Variants in NUP188 observed in about 807,000 individuals in gnomAD.
NUP188 encodes nucleoporin NUP188.
NUP188 carries 97 observed loss-of-function variants against 223.0 expected under a neutral mutation model. The ratio of observed to expected loss-of-function variants is 0.43; its 90% confidence interval spans 0.37 to 0.51. The LOEUF is 0.51. Among genes scored for constraint, NUP188 ranks in the 20% least tolerant of loss-of-function variants. The pLI, the probability that NUP188 is intolerant of heterozygous loss-of-function variation, is 0.00. For missense variants in NUP188, 1,947 were observed against 2,175.6 expected (o/e 0.89, Z 2.09); for synonymous variants, 869 against 828.0 (o/e 1.05, Z -0.85).
intron 12 of NUP188, among the ~76,000 whole-genome samples, chr9:128,974,904 G>T (rs1038039676): frequency 6.6e-6 from 1 of 151,814 alleles, no homozygotes; most frequent in African/African-American, 2.4e-5. Flanking sequence ...GACTACAGGC[G>T]TGTGCCACCA....
At chr9:128,995,542 CT>C in intron 30 of NUP188, 28 bp downstream of exon 30, 1 of 1,530,898 alleles carries the variant, frequency 6.5e-7, no homozygotes, top group Non-Finnish European at 8.8e-7. Flanking sequence ...AGAGTTTTCA[CT>C]TTGGTACCTT....
chr9:128,985,120 T>G lies in NUP188; in HGVS notation c.2076+106T>G, dbSNP rs992081549. The G allele has an allele frequency of 1.6e-5, 12 of 755,492 alleles. No homozygotes were observed. The Admixed American group carries it at 2.4e-4, about 15-fold the overall frequency. 46.8% of individuals were successfully genotyped at this position (755,492 alleles called of 1,614,324 possible). ...CCCCTGGTGCTGTAATCTTCTTGTCTGTAGGCAGAATAGTCATCTTGAAGT... is the reference window on the plus strand; with the variant it reads ...CCCCTGGTGCTGTAATCTTCTTGTCGGTAGGCAGAATAGTCATCTTGAAGT... On this transcript the variant is annotated intron_variant, in intron 20 of 43. Coordinates refer to ENST00000372577, the MANE Select transcript of NUP188 (RefSeq NM_015354.3).
rs780310519 is a variant in NUP188 at position 128,993,240 on chromosome 9, C to T, written c.2684C>T (p.Ala895Val). 1.2e-6 allele frequency: 2 copies of T among 1,614,196 alleles called. No individual in the cohort carries two copies. Among genetic ancestry groups the T allele is most frequent in the South Asian group, 2.2e-5 (2 of 91,088 alleles). ...TATGCTTGTCTGGGCAATGATGCGG[C>T]TGCCATTCGTGATGCCTTCCTGACC... Reference protein sequence around the residue: ...SVYACLGNDAAAIRDAFLTRL... With the variant: ...SVYACLGNDAVAIRDAFLTRL... Residue 895 changes from alanine to valine, a missense_variant, in exon 26 of 44, where the codon GCT becomes GTT. Ala to Val is a moderately conservative substitution (Grantham distance 64, BLOSUM62 0). Around this residue, in one of 3 missense-constraint regions of NUP188, gnomAD observed 225 missense variants for 319.1 expected, o/e 0.71. Coordinates refer to ENST00000372577, the MANE Select transcript of NUP188 (RefSeq NM_015354.3).
At chr9:128,992,690 C>T (rs1041749380) in intron 25 of NUP188, among the ~76,000 whole-genome samples, 1 of 152,010 alleles carries the variant, frequency 6.6e-6, no homozygotes, top group African/African-American at 2.4e-5. Flanking sequence ...GATTTATTTG[C>T]GCTACTTTCT....
intron 8 of NUP188, chr9:128,964,321 CT>C (rs764450550): frequency 1.1e-5 from 4 of 350,826 alleles, no homozygotes; most frequent in Admixed American, 3.7e-5. Flanking sequence ...TGTTTTACAA[CT>C]TTTTTCTTCC....
In NUP188 at chr9:128,999,729, G is replaced by A. The variant is rs142703305; in HGVS notation, c.3767G>A (p.Gly1256Asp). 212 of 1,614,076 alleles carry A rather than the reference G, an allele frequency of 1.3e-4. No individual in the cohort carries two copies. The highest frequency in any genetic ancestry group is 1.6e-4 in the Non-Finnish European group (184 of 1,180,044). Residue 1256 changes from glycine to aspartate, a missense_variant, in exon 34 of 44, where the codon GGC (glycine) becomes GAC (aspartate). Coordinates refer to ENST00000372577, the MANE Select transcript of NUP188 (RefSeq NM_015354.3). Reference sequence around the variant, plus strand: ...CAGACCCGCCACAGTCTGGCATTAGGCAGTGCCACAGAGGACAAGGACAGC... The same window carrying A: ...CAGACCCGCCACAGTCTGGCATTAGACAGTGCCACAGAGGACAAGGACAGC... ...FDQTRHSLAL[G>D]SATEDKDSME...
chr9:128,970,665 T>A, intron 10 of NUP188, 93 bp from the exon 11 acceptor site: 2 of 1,072,204 alleles, frequency 1.9e-6, no homozygotes, highest in East Asian at 4.9e-5. Context: ...GGCCACTCTT[T>A]ATGGCTTGCT....
intron 32 of NUP188, among the ~76,000 whole-genome samples, 177 bp from the exon 33 acceptor site, chr9:128,998,995 T>C (rs1228018641): frequency 6.6e-6 from 1 of 152,020 alleles, no homozygotes; most frequent in Non-Finnish European, 1.5e-5. Flanking sequence ...TAGCTGGGAT[T>C]ACGGGTGCGC....
rs796374513 is a variant in NUP188, at chr9:129,005,386, CTCA to C, written c.4594_4596del (p.Ser1532del). The C allele has an allele frequency of 3.7e-6, 6 of 1,613,070 alleles. No individual in the cohort carries two copies. The South Asian group carries it at 6.6e-5, about 18-fold the overall frequency. ...CTGCTGCTTCTGCTGCCCCCTCCTC[CTCA>C]AAGCAGCCCGCTGCTGACACAGAGG... On this transcript the variant is annotated inframe_deletion, in exon 40 of 44. Transcript: ENST00000372577.
In NUP188 at chr9:129,006,074, AC is replaced by A. The variant is rs781416484; in HGVS notation, c.4897del (p.Gln1633ArgfsTer15). On this transcript the variant is annotated frameshift_variant, in exon 42 of 44. Coordinates refer to ENST00000372577, the MANE Select transcript of NUP188 (RefSeq NM_015354.3). LOFTEE classifies it high-confidence loss of function. ...GELDKKKEPL[T>X]QAVGLSTQAE... ...GCTGGACAAGAAAAAGGAGCCCCTCACCCAGGCAGTGGGGCTCAGCACACAG... is the reference window on the plus strand; with the variant it reads ...GCTGGACAAGAAAAAGGAGCCCCTCACCAGGCAGTGGGGCTCAGCACACAG... 2.5e-6 allele frequency: 4 copies of A among 1,614,148 alleles called. No individual in the cohort carries two copies. In the South Asian group the frequency reaches 4.4e-5, roughly 18 times the overall value.
Position 128,970,863 on chromosome 9 carries a change from A to C in NUP188, c.1018A>C (p.Ser340Arg). Residue 340 changes from serine to arginine, a missense_variant, in exon 11 of 44, where the codon AGT becomes CGT. This residue lies in a region of NUP188 where 817 missense variants were observed against 865.8 expected (regional missense o/e 0.94). Transcript: ENST00000372577. ...CACTCTGAACCCAGAAGAGACAAGC[A>C]GTGTGGTCCGGAAGATAGGTGGCAC... ...RHTLNPEETS[S>R]VVRKIGGTAI... The C allele has an allele frequency of 6.2e-7, 1 of 1,614,122 alleles. No homozygotes were observed. Among genetic ancestry groups the C allele is most frequent in the Non-Finnish European group, 8.5e-7 (1 of 1,180,008 alleles).
At chr9:128,985,384 A>C (rs1842319255) in intron 20 of NUP188, 2 of 162,068 alleles carry the variant, frequency 1.2e-5, no homozygotes, top group African/African-American at 4.8e-5. Flanking sequence ...AGTTTATTTC[A>C]CAACATTTAT....
chr9:129,004,864 A>C (rs900243363), intron 38 of NUP188: 2 of 489,598 alleles, frequency 4.1e-6, no homozygotes, highest in Non-Finnish European at 7.3e-6. Flanking sequence ...TCAGGGAGAC[A>C]GTCCAGTCCT....
At chr9:128,963,835 GA>G (rs1841990058) in intron 8 of NUP188, among the ~76,000 whole-genome samples, 1 of 143,666 alleles carries the variant, frequency 7.0e-6, no homozygotes, top group South Asian at 2.3e-4. Context: ...TTTTATTTTT[GA>G]GACGGAGTCT....
rs756413873 is a variant in NUP188, at chr9:128,994,901, T to C, written c.3133T>C (p.Leu1045=). 28 of 1,613,400 alleles carry C rather than the reference T, an allele frequency of 1.7e-5. No homozygotes were observed. The East Asian group carries it at 5.6e-4, about 32-fold the overall frequency. ...TCALIMKIIC[L]EIYYVVKGSL... is the part of the protein sequence containing the mutation. The stretch of plus-strand genomic sequence containing the variant: ...TGCCCTAATCATGAAGATAATTTGC[T>C]TGGAGATATACTATGTAGTAAAGTG... The change falls in exon 29 of 44, where the codon TTG becomes CTG. Residue 1045 remains leucine, a synonymous_variant. Coordinates refer to ENST00000372577, the MANE Select transcript of NUP188 (RefSeq NM_015354.3).
intron 25 of NUP188, among the ~76,000 whole-genome samples, 182 bp downstream of exon 25, chr9:128,990,408 A>C (rs999892565): frequency 6.6e-6 from 1 of 151,794 alleles, no homozygotes; most frequent in Non-Finnish European, 1.5e-5. Flanking sequence ...TGGGCCACAT[A>C]GTGAGACCCC....
At position 128,983,471 on chromosome 9, in the gene NUP188, C is replaced by T. The variant is rs2131167519; in HGVS notation, c.1885-3C>T. On this transcript the variant is annotated splice_region_variant and splice_polypyrimidine_tract_variant and intron_variant, in intron 18 of 43. Coordinates refer to ENST00000372577, the MANE Select transcript of NUP188 (RefSeq NM_015354.3). ...GCATTTAACTCTTCCTTTTCCTTCT[C>T]AGGTCTGGACTGATCTTCGTCACAC... The T allele has an allele frequency of 6.2e-7, 1 of 1,614,008 alleles. No individual in the cohort carries two copies. Among genetic ancestry groups the T allele is most frequent in the Non-Finnish European group, 8.5e-7 (1 of 1,179,922 alleles).
In NUP188 at chr9:128,986,553, T is replaced by C; in HGVS notation, c.2077-5T>C. 6.2e-7 allele frequency: 1 copy of C among 1,612,840 alleles called. No homozygotes were observed. On this transcript the variant is annotated splice_polypyrimidine_tract_variant and splice_region_variant and intron_variant, in intron 20 of 43. Coordinates refer to ENST00000372577, the MANE Select transcript of NUP188 (RefSeq NM_015354.3). ...CGGAAGTCCTCACTGCATGGTTTCT[T>C]GTAGGGGCAACTTGGTAGTACCCAG...
At chr9:128,990,323 C>T (rs1404931186) in intron 25 of NUP188, 97 bp downstream of exon 25, 14 of 947,682 alleles carry the variant, frequency 1.5e-5, no homozygotes, top group East Asian at 7.2e-5. Flanking sequence ...AGCGGCTTAA[C>T]GCCTGTATAT....
Sources: gnomAD v4.1 joint callset for allele counts (sites outside exome capture counted in the v4.1 genomes callset) on GRCh38, gnomAD v4.1.1 for gene constraint, gnomAD v4.1.1 regional missense constraint, MANE v1.5 for transcripts, NCBI Gene and HGNC (gene_info 2026-07-23, HGNC 2026-07-21) for gene names.